Variants in LCE1E observed in about 807,000 individuals in gnomAD.
LCE1E encodes the protein late cornified envelope protein 1E.
For synonymous variants in LCE1E, 61 were observed against 55.0 expected (o/e 1.11, Z -0.48); for missense variants, 144 against 144.3 (o/e 1.00, Z 0.01).
rs563964819 is a variant in LCE1E, at chr1:152,787,482, C to G, written c.183C>G (p.Gly61=). The part of the protein sequence containing the change: ...CCGSSSGGSC[G]SSSGGCCSSG... ...GCTCCAGCTCTGGGGGCAGCTGTGGCTCCAGCTCTGGGGGCTGCTGCAGCT... is the reference window on the plus strand; with the variant it reads ...GCTCCAGCTCTGGGGGCAGCTGTGGGTCCAGCTCTGGGGGCTGCTGCAGCT... Residue 61 remains glycine, a synonymous_variant, in exon 2 of 2, where the codon GGC becomes GGG. Coordinates refer to ENST00000368770, the MANE Select transcript of LCE1E (RefSeq NM_178353.2). The G allele has an allele frequency of 8.1e-6, 13 of 1,613,848 alleles. No individual in the cohort carries two copies. The African/African-American group carries it at 1.7e-4, about 22-fold the overall frequency.
rs989837902 is a variant in LCE1E at position 152,787,306 on chromosome 1, T to C, written c.7T>C (p.Cys3Arg). The C allele has an allele frequency of 1.2e-6, 2 of 1,613,992 alleles. No individual in the cohort carries two copies. Among genetic ancestry groups the C allele is most frequent in the Non-Finnish European group, 8.5e-7 (1 of 1,179,992 alleles). ...CTAAGTACCTACTGCCGAGATGTCC[T>C]GCCAGCAGAGCCAGCAGCAGTGCCA... MS[C>R]QQSQQQCQPP... The change falls in exon 2 of 2, where the codon TGC becomes CGC. Residue 3 changes from cysteine to arginine, a missense_variant. Cys to Arg is a radical substitution (Grantham distance 180). Transcript: ENST00000368770.
Position 152,787,405 on chromosome 1 carries a change from A to G in LCE1E, c.106A>G (p.Lys36Glu). 6.2e-7 allele frequency: 1 copy of G among 1,613,692 alleles called. No individual in the cohort carries two copies. Among genetic ancestry groups the G allele is most frequent in the Non-Finnish European group, 8.5e-7 (1 of 1,179,928 alleles). The change falls in exon 2 of 2, where the codon AAG (lysine) becomes GAG (glutamate). Residue 36 changes from lysine (K) to glutamate (E), a missense_variant. Physicochemically the swap from Lys to Glu is moderately conservative, Grantham distance 56. Coordinates refer to ENST00000368770, the MANE Select transcript of LCE1E (RefSeq NM_178353.2). ...TPKCPPKCPP[K>E]CPPVSSCCSV... ...CAAATGCCCTCCAAAGTGTCCCCCT[A>G]AGTGCCCTCCAGTCTCTTCCTGCTG...
chr1:152,787,172 A>C (rs1460531194), intron 1 of LCE1E, 106 bp from the exon 2 acceptor site: 2 of 1,073,440 alleles, frequency 1.9e-6, no homozygotes, highest in Non-Finnish European at 2.8e-6. Context: ...ATTGGAAGTG[A>C]AACTACTGGA....
Position 152,787,095 on chromosome 1 carries a change from G to A in LCE1E, c.-22-183G>A, listed in dbSNP as rs561642466. Among the ~76,000 whole-genome samples the A allele has an allele frequency of 1.8e-4, 28 of 152,246 alleles. 1 individual carries two copies. In the East Asian group the frequency reaches 5.0e-3, roughly 27 times the overall value. On this transcript the variant is annotated intron_variant, in intron 1 of 1. Transcript: ENST00000368770. ...TTGTTTGGTCTTAGTTTACAATTTT[G>A]TGTAGCAGATAACACACAAGGGTAT...
intron 1 of LCE1E, among the ~76,000 whole-genome samples, chr1:152,786,573 T>G (rs1156265016): frequency 6.6e-6 from 1 of 152,176 alleles, no homozygotes; most frequent in Non-Finnish European, 1.5e-5. Context: ...AAATACAACC[T>G]TGTCCCTGTC....
In LCE1E at chr1:152,787,849, C is replaced by T. The variant is rs1651897976; in HGVS notation, c.*193C>T. ...CTGGGAACTCCAAAGCACACACCTA[C>T]TTCCTCCCCAGCTCACGCTGCTGTA... On this transcript the variant is annotated 3_prime_UTR_variant, in exon 2 of 2. Transcript: ENST00000368770. The T allele has an allele frequency of 3.0e-6, 2 of 657,220 alleles. No homozygotes were observed. The highest frequency in any genetic ancestry group is 5.2e-6 in the Non-Finnish European group (2 of 381,784). The allele number at this position is 657,220 out of a possible 1,614,324, so 40.7% of individuals were successfully genotyped here.
Position 152,787,557 on chromosome 1 carries a change from C to T in LCE1E, c.258C>T (p.His86=), listed in dbSNP as rs1413204671. 1.2e-6 allele frequency: 2 copies of T among 1,613,374 alleles called. No individual in the cohort carries two copies. The highest frequency in any genetic ancestry group is 1.1e-5 in the South Asian group (1 of 91,020). ...GCCACCACAGGCACCACAGGTCCCA[C>T]CGTCACAGACCCCAGAGCTCTGACT... The part of the protein sequence containing the change: ...CLSHHRHHRS[H]RHRPQSSDCC... The change falls in exon 2 of 2, where the codon CAC becomes CAT. Residue 86 remains histidine (H), a synonymous_variant. Coordinates refer to ENST00000368770, the MANE Select transcript of LCE1E (RefSeq NM_178353.2).
chr1:152,786,547 G>A (rs1651855143), intron 1 of LCE1E, among the ~76,000 whole-genome samples: 2 of 152,216 alleles, frequency 1.3e-5, no homozygotes, highest in African/African-American at 4.8e-5. Flanking sequence ...ACCACAGGAA[G>A]GAAGCCCACC....
rs112600788 is a variant in LCE1E at position 152,787,617 on chromosome 1, T to C, written c.318T>C (p.Cys106=). The change falls in exon 2 of 2, where the codon TGT becomes TGC. Residue 106 remains cysteine (C), a synonymous_variant. Transcript: ENST00000368770. ...AGCCCTCAGGGGGCTCCAGCTGCTG[T>C]GGAGGGGGCAGCGGCCAGCACTCTG... ...CSQPSGGSSC[C]GGGSGQHSGG... The C allele has an allele frequency of 0.14, 195,911 of 1,433,878 alleles. 27,537 individuals carry two copies. Among genetic ancestry groups the C allele is most frequent in the African/African-American group, 0.36 (24,280 of 68,230 alleles). The allele number at this position is 1,433,878 out of a possible 1,614,324, so 88.8% of individuals were successfully genotyped here.
chr1:152,787,396 T>C lies in LCE1E; in HGVS notation c.97T>C (p.Cys33Arg). The C allele has an allele frequency of 6.2e-7, 1 of 1,613,778 alleles. No homozygotes were observed. Among genetic ancestry groups the C allele is most frequent in the Non-Finnish European group, 8.5e-7 (1 of 1,179,962 alleles). Residue 33 changes from cysteine (C) to arginine (R), a missense_variant, in exon 2 of 2, where the codon TGT (cysteine) becomes CGT (arginine). Coordinates refer to ENST00000368770, the MANE Select transcript of LCE1E (RefSeq NM_178353.2). Reference sequence around the variant, plus strand: ...TCCCACCCCCAAATGCCCTCCAAAGTGTCCCCCTAAGTGCCCTCCAGTCTC... The same window carrying C: ...TCCCACCCCCAAATGCCCTCCAAAGCGTCCCCCTAAGTGCCCTCCAGTCTC... ...KCPTPKCPPK[C>R]PPKCPPVSSC... is the part of the protein sequence containing the mutation.
intron 1 of LCE1E, among the ~76,000 whole-genome samples, chr1:152,786,977 A>C (rs915370220): frequency 1.3e-5 from 2 of 152,226 alleles, no homozygotes; most frequent in Non-Finnish European, 2.9e-5. Context: ...TAAATGACCT[A>C]TAAATCATAT....
Position 152,787,189 on chromosome 1 carries a change from GTT to G in LCE1E, c.-22-87_-22-86del, listed in dbSNP as rs1257458203. 2.6e-5 allele frequency: 31 copies of G among 1,214,226 alleles called. No individual in the cohort carries two copies. In the African/African-American group the frequency reaches 4.5e-4, roughly 18 times the overall value. The allele number at this position is 1,214,226 out of a possible 1,614,324, so 75.2% of individuals were successfully genotyped here. ...TGGAAGTGAAACTACTGGACATGATGTTTCCATAATTACAAGTCATGCTAAGA... is the reference window on the plus strand; with the variant it reads ...TGGAAGTGAAACTACTGGACATGATGTCCATAATTACAAGTCATGCTAAGA... On this transcript the variant is annotated intron_variant, in intron 1 of 1. Coordinates refer to ENST00000368770, the MANE Select transcript of LCE1E (RefSeq NM_178353.2).
chr1:152,787,407 G>T lies in LCE1E; in HGVS notation c.108G>T (p.Lys36Asn), dbSNP rs774318737. 1.2e-6 allele frequency: 2 copies of T among 1,613,784 alleles called. No homozygotes were observed. The highest frequency in any genetic ancestry group is 3.3e-5 in the Admixed American group (2 of 59,988). The change falls in exon 2 of 2, where the codon AAG becomes AAT. Residue 36 changes from lysine to asparagine, a missense_variant. By Grantham distance (94) the Lys-to-Asn change is moderately conservative. Transcript: ENST00000368770. ...TPKCPPKCPPKCPPVSSCCSV... is the reference protein window; with the variant it reads ...TPKCPPKCPPNCPPVSSCCSV... ...AATGCCCTCCAAAGTGTCCCCCTAA[G>T]TGCCCTCCAGTCTCTTCCTGCTGCA...
At position 152,787,505 on chromosome 1, in the gene LCE1E, G is replaced by C; in HGVS notation, c.206G>C (p.Ser69Thr). The part of the protein sequence containing the change: ...SCGSSSGGCC[S>T]SGGGGCCLSH... ...GGCTCCAGCTCTGGGGGCTGCTGCA[G>C]CTCTGGGGGAGGTGGCTGCTGCCTG... The change falls in exon 2 of 2, where the codon AGC becomes ACC. Residue 69 changes from serine to threonine, a missense_variant. Transcript: ENST00000368770. The C allele has an allele frequency of 6.2e-7, 1 of 1,613,954 alleles. No individual in the cohort carries two copies. Among genetic ancestry groups the C allele is most frequent in the Non-Finnish European group, 8.5e-7 (1 of 1,179,996 alleles).
In LCE1E at chr1:152,786,719, T is replaced by C. The variant is rs1651858400; in HGVS notation, c.-23+412T>C. Among the ~76,000 whole-genome samples, 3 of 152,178 alleles carry C rather than the reference T, an allele frequency of 2.0e-5. No homozygotes were observed. The South Asian group carries it at 6.2e-4, about 32-fold the overall frequency. On this transcript the variant is annotated intron_variant, in intron 1 of 1. Coordinates refer to ENST00000368770, the MANE Select transcript of LCE1E (RefSeq NM_178353.2). ...GACACACCAAACCTGAGACTCACCA[T>C]GCCCACCCATCAGCCTGAGCAGGTG... is the stretch of plus-strand genomic sequence containing the variant.
At chr1:152,786,987 T>C (rs939330085) in intron 1 of LCE1E, among the ~76,000 whole-genome samples, 11 of 152,220 alleles carry the variant, frequency 7.2e-5, no homozygotes, top group South Asian at 2.1e-4. Context: ...ATAAATCATA[T>C]AATTTCAGGG....
In LCE1E at chr1:152,787,448, G is replaced by A; in HGVS notation, c.149G>A (p.Gly50Asp). 6.2e-7 allele frequency: 1 copy of A among 1,614,028 alleles called. No homozygotes were observed. Among genetic ancestry groups the A allele is most frequent in the African/African-American group, 1.3e-5 (1 of 75,008 alleles). ...VSSCCSVSSG[G>D]CCGSSSGGSC... is the part of the protein sequence containing the mutation. ...TCCTGCTGCAGTGTCAGCTCCGGAG[G>A]CTGCTGTGGCTCCAGCTCTGGGGGC... The change falls in exon 2 of 2, where the codon GGC becomes GAC. Residue 50 changes from glycine to aspartate, a missense_variant. Transcript: ENST00000368770.
rs780668198 is a variant in LCE1E, at chr1:152,787,520, G to A, written c.221G>A (p.Gly74Asp). Residue 74 changes from glycine (G) to aspartate (D), a missense_variant, in exon 2 of 2, where the codon GGC becomes GAC. Coordinates refer to ENST00000368770, the MANE Select transcript of LCE1E (RefSeq NM_178353.2). ...SGGCCSSGGG[G>D]CCLSHHRHHR... Reference sequence around the variant, plus strand: ...GGCTGCTGCAGCTCTGGGGGAGGTGGCTGCTGCCTGAGCCACCACAGGCAC... The same window carrying A: ...GGCTGCTGCAGCTCTGGGGGAGGTGACTGCTGCCTGAGCCACCACAGGCAC... The A allele has an allele frequency of 1.9e-6, 3 of 1,613,846 alleles. No individual in the cohort carries two copies. Among genetic ancestry groups the A allele is most frequent in the Non-Finnish European group, 2.5e-6 (3 of 1,180,014 alleles).
chr1:152,787,018 A>G (rs1651865299), intron 1 of LCE1E, among the ~76,000 whole-genome samples: 1 of 152,200 alleles, frequency 6.6e-6, no homozygotes, highest in Non-Finnish European at 1.5e-5. Context: ...TATTTGGAAT[A>G]ATTTCCTCCT....
Sources: allele counts gnomAD v4.1 joint callset (sites outside exome capture counted in the v4.1 genomes callset), GRCh38; gene constraint gnomAD v4.1.1; transcripts MANE v1.5; gene names NCBI Gene and HGNC (gene_info 2026-07-23, HGNC 2026-07-21).